Variants in CDH19 observed in about 807,000 individuals in gnomAD.
CDH19 encodes cadherin-19.
A neutral mutation model predicts 64.2 loss-of-function variants in CDH19; 67 were observed. The ratio of observed to expected loss-of-function variants is 1.04; its 90% CI spans 0.86 to 1.28. The LOEUF (loss-of-function observed/expected upper bound fraction) is 1.28, where lower values mean the gene tolerates loss of function less well. CDH19 is among the 50% of genes most tolerant of loss of function. The pLI is 0.00. For missense variants in CDH19, 1,030 were observed against 929.0 expected, an observed-to-expected ratio of 1.11 and a Z score of -1.41; for synonymous variants, 346 against 319.3, an observed-to-expected ratio of 1.08 and a Z score of -0.89.
intron 3 of CDH19, 35 bp downstream of exon 3, chr18:66,568,381 T>C (rs370621473): frequency 2.0e-6 from 3 of 1,512,990 alleles, no homozygotes; most frequent in Non-Finnish European, 2.7e-6. Flanking sequence ...TGCTTCATTG[T>C]TAATATATCT....
At chr18:66,589,154 G>T (rs1988668701) in intron 1 of CDH19, among the ~76,000 whole-genome samples, 1 of 151,144 alleles carries the variant, frequency 6.6e-6, no homozygotes, top group African/African-American at 2.4e-5. Flanking sequence ...CTAAAACATT[G>T]TTCAGAATAA....
chr18:66,572,524 T>C (rs928797678), intron 1 of CDH19, among the ~76,000 whole-genome samples: 3 of 151,750 alleles, frequency 2.0e-5, no homozygotes, highest in Admixed American at 6.6e-5. Flanking sequence ...CAGGCACTGC[T>C]AGTTTTAAAC....
At chr18:66,600,206 T>C (rs1989004215) in intron 1 of CDH19, among the ~76,000 whole-genome samples, 1 of 151,896 alleles carries the variant, frequency 6.6e-6, no homozygotes, top group Non-Finnish European at 1.5e-5. Context: ...ATGTGGACTC[T>C]GAACCTGCAC....
At position 66,504,711 on chromosome 18, in the gene CDH19, A is replaced by G. The variant is rs1985095099; in HGVS notation, c.*101T>C. 6.4e-6 allele frequency: 8 copies of G among 1,242,210 alleles called. No individual in the cohort carries two copies. Among genetic ancestry groups the G allele is most frequent in the African/African-American group, 1.5e-5 (1 of 66,162 alleles). 76.9% of individuals were successfully genotyped at this position (1,242,210 alleles called of 1,614,324 possible). A position where few individuals can be genotyped will look rare whatever the true frequency, so the allele number is the denominator to read the frequency against. ...GGGAAATCAGAAAACTCCATAGACT[A>G]GGGCTTTCCCCGCCATAGAGCCAGG... On this transcript the variant is annotated 3_prime_UTR_variant, in exon 12 of 12. Transcript: ENST00000262150.
intron 9 of CDH19, among the ~76,000 whole-genome samples, chr18:66,516,559 T>C (rs1324241358): frequency 6.6e-6 from 1 of 152,014 alleles, no homozygotes; most frequent in East Asian, 1.9e-4. Flanking sequence ...AGTAATGTTT[T>C]TTCACCATTT....
chr18:66,568,547 ATTACCTGGGCTC>A lies in CDH19; in HGVS notation c.347_358del (p.Arg116_Val119del). On this transcript the variant is annotated inframe_deletion, in exon 3 of 12. Transcript: ENST00000262150. ...CACAGCCCTTCCAGTAGCGATGTCTATTACCTGGGCTCTTAAGATGTAGAGGGATCGCTCCTC... is the reference window on the plus strand; with the variant it reads ...CACAGCCCTTCCAGTAGCGATGTCTATTAAGATGTAGAGGGATCGCTCCTC... The A allele has an allele frequency of 6.8e-6, 11 of 1,612,360 alleles. No homozygotes were observed. The South Asian group carries it at 1.2e-4, about 18-fold the overall frequency.
In CDH19 at chr18:66,564,908, C is replaced by A. The variant is rs1055500601; in HGVS notation, c.490+3508G>T. ...ATTATAAGGTTTTAGGTAAAACTAG[C>A]AAATATTACTGAAATGGAAGATTAC... On this transcript the variant is annotated intron_variant, in intron 3 of 11. Transcript: ENST00000262150. Among the ~76,000 whole-genome samples, 3 of 150,582 alleles carry A rather than the reference C, an allele frequency of 2.0e-5. 1 individual carries two copies. The highest frequency in any genetic ancestry group is 7.3e-5 in the African/African-American group (3 of 40,984).
At chr18:66,593,488 TG>T (rs1422850900) in intron 1 of CDH19, among the ~76,000 whole-genome samples, 1 of 152,016 alleles carries the variant, frequency 6.6e-6, no homozygotes, top group African/African-American at 2.4e-5. Flanking sequence ...GATAGGATTA[TG>T]GCAAAGATAT....
intron 11 of CDH19, among the ~76,000 whole-genome samples, chr18:66,506,948 C>T (rs953484845): frequency 6.6e-6 from 1 of 151,828 alleles, no homozygotes. Flanking sequence ...AGAAAGGAGT[C>T]TAATAAATAC....
In CDH19 at chr18:66,589,937, G is replaced by A. The variant is rs556278801; in HGVS notation, c.-113+14017C>T. 2.0e-5 allele frequency among the ~76,000 whole-genome samples: 3 copies of A among 151,654 alleles called. No individual in the cohort carries two copies. The East Asian group carries it at 5.8e-4, about 29-fold the overall frequency. ...TTTATTTGACAATAGCAGTAATTAT[G>A]ACTTTAACAAATGAACAAATATGAC... is the stretch of plus-strand genomic sequence containing the variant. On this transcript the variant is annotated intron_variant, in intron 1 of 11. Coordinates refer to ENST00000262150, the MANE Select transcript of CDH19 (RefSeq NM_021153.4).
intron 3 of CDH19, among the ~76,000 whole-genome samples, chr18:66,555,094 G>C (rs1201395064): frequency 6.6e-6 from 1 of 151,696 alleles, no homozygotes; most frequent in East Asian, 1.9e-4. Flanking sequence ...AAATCTTGCA[G>C]ATATTGATAA....
rs375187747 is a variant in CDH19, at chr18:66,537,245, C to T, written c.1215-2138G>A. Among the ~76,000 whole-genome samples, 30 of 151,986 alleles carry T rather than the reference C, an allele frequency of 2.0e-4. 1 individual carries two copies. In the South Asian group the frequency reaches 6.0e-3, roughly 30 times the overall value. The stretch of plus-strand genomic sequence containing the variant: ...TTTCATTTTCCTGCGTCCTTAGTCT[C>T]CTCCACGATTCCTCAATGTTCTTGT... On this transcript the variant is annotated intron_variant, in intron 7 of 11. Transcript: ENST00000262150.
intron 2 of CDH19, among the ~76,000 whole-genome samples, chr18:66,569,164 A>C (rs534671): frequency 6.6e-6 from 1 of 151,624 alleles, no homozygotes; most frequent in African/African-American, 2.4e-5. Context: ...AAATATTAGG[A>C]TGAAAATTAG....
At chr18:66,520,455 T>A (rs919285711) in intron 9 of CDH19, among the ~76,000 whole-genome samples, 1 of 142,184 alleles carries the variant, frequency 7.0e-6, no homozygotes, top group Non-Finnish European at 1.6e-5. Context: ...GATAAGGAAT[T>A]TTTTTCAAAA....
At chr18:66,586,569 CAA>C (rs1481654457) in intron 1 of CDH19, among the ~76,000 whole-genome samples, 1 of 151,782 alleles carries the variant, frequency 6.6e-6, no homozygotes, top group Non-Finnish European at 1.5e-5. Flanking sequence ...AAGGAAGCCA[CAA>C]AGTGTCTATA....
intron 9 of CDH19, among the ~76,000 whole-genome samples, chr18:66,520,154 CA>C (rs1319408227): frequency 1.3e-5 from 2 of 152,062 alleles, no homozygotes; most frequent in African/African-American, 4.8e-5. Flanking sequence ...TACTGCACTC[CA>C]GCCTGGGTGA....
chr18:66,508,325 C>T (rs28584036), intron 11 of CDH19, among the ~76,000 whole-genome samples: 31,629 of 151,202 alleles, frequency 0.21, 3,450 homozygotes, highest in Middle Eastern at 0.29. Flanking sequence ...ATCTATTTTA[C>T]CACATGGTAA....
intron 9 of CDH19, among the ~76,000 whole-genome samples, chr18:66,521,721 G>C (rs1198694861): frequency 1.3e-5 from 2 of 151,272 alleles, no homozygotes; most frequent in Admixed American, 6.6e-5. Context: ...AAAAAATGTA[G>C]AGACGGAATT....
chr18:66,523,513 C>G (rs984138592), intron 9 of CDH19, among the ~76,000 whole-genome samples: 1 of 151,638 alleles, frequency 6.6e-6, no homozygotes, highest in Non-Finnish European at 1.5e-5. Context: ...AAAGAAGAAA[C>G]AACCCTCCAG....
Sources: gnomAD v4.1 joint callset for allele counts (sites outside exome capture counted in the v4.1 genomes callset) on GRCh38, gnomAD v4.1.1 for gene constraint, MANE v1.5 for transcripts, NCBI Gene and HGNC (gene_info 2026-07-23, HGNC 2026-07-21) for gene names.